The following TRIM67 variants were observed in gnomAD, a reference collection of about 807,000 sequenced individuals.
TRIM67 encodes the protein tripartite motif-containing protein 67.
In TRIM67, 39 loss-of-function variants were observed where a neutral mutation model predicts 71.0. The ratio of observed to expected loss-of-function variants is 0.55; its 90% CI spans 0.43 to 0.72. TRIM67 has a LOEUF of 0.72. TRIM67 is among the 30% of genes least tolerant of loss of function. The pLI is 0.00. For missense variants in TRIM67, 973 were observed against 1,079.2 expected, an observed-to-expected ratio of 0.90 and a Z score of 1.38; for synonymous variants, 481 against 473.9, an observed-to-expected ratio of 1.01 and a Z score of -0.19.
chr1:231,197,957 T>C (rs1170924182), intron 2 of TRIM67, among the ~76,000 whole-genome samples: 1 of 152,184 alleles, frequency 6.6e-6, no homozygotes, highest in African/African-American at 2.4e-5. Flanking sequence ...TCCTACCCTA[T>C]AGCCTTGGGT....
Position 231,219,766 on chromosome 1 carries a change from A to G in TRIM67, c.*4326A>G. 1 of 1,209,436 alleles carries G rather than the reference A, an allele frequency of 8.3e-7. No individual in the cohort carries two copies. The highest frequency in any genetic ancestry group is 1.5e-5 in the South Asian group (1 of 67,122). 74.9% of individuals were successfully genotyped at this position (1,209,436 alleles called of 1,614,324 possible). A position where few individuals can be genotyped will look rare whatever the true frequency, so the allele number is the denominator to read the frequency against. On this transcript the variant is annotated 3_prime_UTR_variant, in exon 10 of 10. Coordinates refer to ENST00000366653, the MANE Select transcript of TRIM67 (RefSeq NM_001004342.5). ...GATGGTGATGCTGGAAAATTTCAGG[A>G]CTTTTCTTTTGCAAGTGAGCCGGTA...
intron 1 of TRIM67, among the ~76,000 whole-genome samples, chr1:231,180,341 T>G (rs964274370): frequency 6.6e-6 from 1 of 152,244 alleles, no homozygotes; most frequent in Non-Finnish European, 1.5e-5. Flanking sequence ...ATGCTTATCT[T>G]ATTATCTCTT....
chr1:231,182,240 G>A (rs890373673), intron 1 of TRIM67, among the ~76,000 whole-genome samples: 1 of 152,072 alleles, frequency 6.6e-6, no homozygotes, highest in Admixed American at 6.6e-5. Context: ...GGTAGCCCAC[G>A]CAAAGATGAA....
chr1:231,199,171 T>A lies in TRIM67; in HGVS notation c.1263+2T>A. ...AAAGAGAGGGAACACAAGTTGAAGG[T>A]AGGTACCTGGGGGACTGACACATTG... is the stretch of plus-strand genomic sequence containing the variant. On this transcript the variant is annotated splice_donor_variant, in intron 3 of 9. Transcript: ENST00000366653. LOFTEE classifies it high-confidence loss of function. 3 of 1,613,862 alleles carry A rather than the reference T, an allele frequency of 1.9e-6. No individual in the cohort carries two copies. The highest frequency in any genetic ancestry group is 2.5e-6 in the Non-Finnish European group (3 of 1,179,836).
chr1:231,169,305 T>A lies in TRIM67; in HGVS notation c.1044+5292T>A, dbSNP rs762330179. The stretch of plus-strand genomic sequence containing the variant: ...CCAGACCTCAAGTGATCTGTCCGCC[T>A]TGGCCTCCCAAACTGTTGGGATTAC... On this transcript the variant is annotated intron_variant, in intron 1 of 9. Coordinates refer to ENST00000366653, the MANE Select transcript of TRIM67 (RefSeq NM_001004342.5). 6.8e-4 allele frequency among the ~76,000 whole-genome samples: 103 copies of A among 151,762 alleles called. 3 individuals are homozygous for A. Among genetic ancestry groups the A allele is most frequent in the Non-Finnish European group, 1.2e-4 (8 of 67,966 alleles).
chr1:231,187,413 C>G, intron 1 of TRIM67: 1 of 1,032,290 alleles, frequency 9.7e-7, no homozygotes, highest in Non-Finnish European at 1.3e-6. Context: ...AAAAATGAGT[C>G]ATTTACATTT....
At chr1:231,169,368 CTT>C (rs775082418) in intron 1 of TRIM67, among the ~76,000 whole-genome samples, 4,943 of 81,520 alleles carry the variant, frequency 0.061, 255 homozygotes, top group African/African-American at 0.2. Context: ...ATTCTTTTCT[CTT>C]TTTTTTTTTT....
chr1:231,206,891 G>C (rs1005902108), intron 7 of TRIM67, 101 bp downstream of exon 7: 5 of 1,329,918 alleles, frequency 3.8e-6, no homozygotes, highest in Non-Finnish European at 4.0e-6. Context: ...GGTAGGGGTG[G>C]GGGGTGGTGC....
At chr1:231,166,212 C>T (rs1682459806) in intron 1 of TRIM67, among the ~76,000 whole-genome samples, 1 of 152,234 alleles carries the variant, frequency 6.6e-6, no homozygotes, top group South Asian at 2.1e-4. Flanking sequence ...CTCCTAAATC[C>T]AGAAGGAACA....
chr1:231,202,100 G>GAGGAGGAGGAAGTGGTGGCA (rs1683550914), intron 5 of TRIM67, among the ~76,000 whole-genome samples: 2 of 5,190 alleles, frequency 3.9e-4, no homozygotes, highest in Admixed American at 1.6e-3. Context: ...AGATAATGGA[G>GAGGAGGAGGAAGTGGTGGCA]GAGGAGGAGG....
At position 231,163,337 on chromosome 1, in the gene TRIM67, A is replaced by G. The variant is rs1415510644; in HGVS notation, c.368A>G (p.Asn123Ser). The G allele has an allele frequency of 7.2e-6, 11 of 1,528,390 alleles. No homozygotes were observed. The highest frequency in any genetic ancestry group is 2.5e-5 in the South Asian group (2 of 81,332). The allele number at this position is 1,528,390 out of a possible 1,614,324, so 94.7% of individuals were successfully genotyped here. ...GSYTPSLKSP[N>S]GVRVLPMVPA... ...TACACCCCGAGCCTCAAGTCCCCCA[A>G]CGGGGTTCGCGTGCTGCCCATGGTG... The change falls in exon 1 of 10, where the codon AAC becomes AGC. Residue 123 changes from asparagine (N) to serine (S), a missense_variant. By Grantham distance (46) the Asn-to-Ser change is conservative. This residue lies in a region of TRIM67 where 795 missense variants were observed against 831.3 expected (regional missense o/e 0.96). Transcript: ENST00000366653.
intron 1 of TRIM67, among the ~76,000 whole-genome samples, chr1:231,172,345 G>A (rs1049387008): frequency 2.6e-5 from 4 of 152,144 alleles, no homozygotes; most frequent in South Asian, 2.1e-4. Context: ...AAAGGGAATC[G>A]AAGGTGGGGA....
chr1:231,174,899 A>T (rs1447477852), intron 1 of TRIM67, among the ~76,000 whole-genome samples: 1 of 152,248 alleles, frequency 6.6e-6, no homozygotes, highest in Non-Finnish European at 1.5e-5. Context: ...ACTTGAATAC[A>T]ACCAAAGAGA....
At chr1:231,202,199 G>A (rs1683564735) in intron 5 of TRIM67, among the ~76,000 whole-genome samples, 3 of 152,058 alleles carry the variant, frequency 2.0e-5, no homozygotes, top group Non-Finnish European at 4.4e-5. Context: ...AGGAGGTGGT[G>A]GCTGAGATAG....
chr1:231,201,042 T>G (rs1390692441), intron 4 of TRIM67, among the ~76,000 whole-genome samples: 1 of 152,200 alleles, frequency 6.6e-6, no homozygotes, highest in Non-Finnish European at 1.5e-5. Context: ...GGAAGACAGA[T>G]CTAATGAAGG....
chr1:231,199,053 G>T lies in TRIM67; in HGVS notation c.1147G>T (p.Gly383Ter). The change falls in exon 3 of 10, where the codon GGA (glycine) becomes TGA (stop). Residue 383 changes from glycine to a stop codon, truncating the protein, a stop_gained. Transcript: ENST00000366653. LOFTEE classifies it high-confidence loss of function. ...KNILQQIQEN[G>*]LDYEACLVAQ... ...AACCCCCAACCTCTGCCAGGAAAAC[G>T]GACTGGACTACGAAGCCTGCCTCGT... 1.2e-6 allele frequency: 2 copies of T among 1,613,892 alleles called. No homozygotes were observed. Among genetic ancestry groups the T allele is most frequent in the Non-Finnish European group, 1.7e-6 (2 of 1,179,850 alleles).
intron 1 of TRIM67, among the ~76,000 whole-genome samples, chr1:231,190,145 G>T (rs1400742824): frequency 6.6e-6 from 1 of 152,198 alleles, no homozygotes; most frequent in Non-Finnish European, 1.5e-5. Context: ...GGGGATTCAG[G>T]GAAAGGCAGA....
Position 231,220,053 on chromosome 1 carries a change from A to C in TRIM67, c.*4613A>C. The C allele has an allele frequency of 1.1e-6, 1 of 880,006 alleles. No individual in the cohort carries two copies. The highest frequency in any genetic ancestry group is 1.6e-6 in the Non-Finnish European group (1 of 615,642). The allele number at this position is 880,006 out of a possible 1,614,324, so 54.5% of individuals were successfully genotyped here. On this transcript the variant is annotated 3_prime_UTR_variant, in exon 10 of 10. Coordinates refer to ENST00000366653, the MANE Select transcript of TRIM67 (RefSeq NM_001004342.5). Reference sequence around the variant, plus strand: ...GAAATGAGACTAGTCATACTAACCTACCTCCTCTGATGTATTGTGAGGATT... The same window carrying C: ...GAAATGAGACTAGTCATACTAACCTCCCTCCTCTGATGTATTGTGAGGATT...
Position 231,220,624 on chromosome 1 carries a change from C to G in TRIM67, c.*5184C>G, listed in dbSNP as rs1684118983. On this transcript the variant is annotated 3_prime_UTR_variant, in exon 10 of 10. Transcript: ENST00000366653. ...AAGGCTGGTTGGGCTAGTGGGTCAT[C>G]ATGTCACTTTCAGATGACTGATAAC... The G allele has an allele frequency of 1.3e-5, 2 of 152,322 alleles. No homozygotes were observed. Among genetic ancestry groups the G allele is most frequent in the Non-Finnish European group, 2.9e-5 (2 of 68,118 alleles). The allele number at this position is 152,322 out of a possible 1,614,324, so 9.4% of individuals were successfully genotyped here.
Sources: allele counts gnomAD v4.1 joint callset (sites outside exome capture counted in the v4.1 genomes callset), GRCh38; gene constraint gnomAD v4.1.1; regional missense constraint gnomAD v4.1.1; transcripts MANE v1.5; gene names NCBI Gene and HGNC (gene_info 2026-07-23, HGNC 2026-07-21).